PTPRM: variants seen among roughly 807,000 people sequenced by gnomAD.
PTPRM encodes receptor-type tyrosine-protein phosphatase mu.
Under a neutral mutation model 186.7 loss-of-function variants are expected in PTPRM, and 47 were observed. That is an observed-to-expected ratio of 0.25 (90% CI 0.20 to 0.32). The LOEUF is 0.32. Ranked by LOEUF, PTPRM falls within the 10% of genes least tolerant of loss-of-function variation. The probability of loss-of-function intolerance (pLI) is 1.00; values close to 1 mark genes in which losing one functional copy is unlikely to be tolerated. For synonymous variants in PTPRM, 668 were observed against 674.9 expected (o/e 0.99, Z 0.16); for missense variants, 1,494 against 1,865.0 (o/e 0.80, Z 3.66).
chr18:8,367,579 G>C (rs748144641), intron 23 of PTPRM, among the ~76,000 whole-genome samples: 13 of 152,266 alleles, frequency 8.5e-5, no homozygotes, highest in Non-Finnish European at 1.5e-4. Flanking sequence ...ACGCGCGGGG[G>C]CGCCCGGCTT....
At chr18:7,666,867 A>G (rs1366862224) in intron 1 of PTPRM, among the ~76,000 whole-genome samples, 1 of 152,170 alleles carries the variant, frequency 6.6e-6, no homozygotes, top group African/African-American at 2.4e-5. Flanking sequence ...GGCAGGGGGT[A>G]GGTGGGAGGT....
intron 7 of PTPRM, among the ~76,000 whole-genome samples, chr18:7,980,362 A>G (rs73383819): frequency 0.053 from 8,027 of 151,640 alleles, 502 homozygotes; most frequent in African/African-American, 0.15. Flanking sequence ...GAGTTGCTCT[A>G]CCCTACAGCC....
At chr18:8,044,997 T>G (rs188349665) in intron 7 of PTPRM, among the ~76,000 whole-genome samples, 1 of 152,264 alleles carries the variant, frequency 6.6e-6, no homozygotes, top group East Asian at 1.9e-4. Flanking sequence ...TAATTCTACT[T>G]CTAGCTAGGT....
chr18:7,965,464 C>G (rs1022417025), intron 7 of PTPRM, among the ~76,000 whole-genome samples: 4 of 151,848 alleles, frequency 2.6e-5, no homozygotes, highest in Admixed American at 6.6e-5. Context: ...GCACACATAC[C>G]CCAGGAAGGT....
intron 1 of PTPRM, among the ~76,000 whole-genome samples, chr18:7,681,115 G>A (rs2039470258): frequency 6.6e-6 from 1 of 152,102 alleles, no homozygotes; most frequent in Admixed American, 6.6e-5. Context: ...AACATCTGAA[G>A]AAAAGAAGTA....
At chr18:7,624,669 G>T (rs1301189180) in intron 1 of PTPRM, among the ~76,000 whole-genome samples, 1 of 152,116 alleles carries the variant, frequency 6.6e-6, no homozygotes, top group Non-Finnish European at 1.5e-5. Flanking sequence ...TAGAGATGGG[G>T]TTTTGCTACG....
chr18:7,635,745 A>G (rs1481271072), intron 1 of PTPRM, among the ~76,000 whole-genome samples: 1 of 152,228 alleles, frequency 6.6e-6, no homozygotes, highest in Non-Finnish European at 1.5e-5. Flanking sequence ...ATAATCCCAG[A>G]AAAGCCACTG....
intron 32 of PTPRM, among the ~76,000 whole-genome samples, chr18:8,395,715 G>A (rs1438483419): frequency 1.3e-5 from 2 of 152,088 alleles, no homozygotes; most frequent in African/African-American, 2.4e-5. Context: ...GGGGCAGAAA[G>A]GACTGTGCTC....
At chr18:7,739,211 T>G (rs2040839093) in intron 1 of PTPRM, among the ~76,000 whole-genome samples, 1 of 152,192 alleles carries the variant, frequency 6.6e-6, no homozygotes, top group East Asian at 1.9e-4. Flanking sequence ...CTTTCCAATT[T>G]GTTTCAAATG....
At chr18:7,964,554 C>G (rs1031273635) in intron 7 of PTPRM, among the ~76,000 whole-genome samples, 6 of 152,158 alleles carry the variant, frequency 3.9e-5, no homozygotes, top group Admixed American at 3.3e-4. Context: ...TAGCAGAGTA[C>G]TTTGGTCACC....
At chr18:8,306,591 T>C (rs914856745) in intron 20 of PTPRM, among the ~76,000 whole-genome samples, 6 of 152,230 alleles carry the variant, frequency 3.9e-5, no homozygotes, top group African/African-American at 1.4e-4. Flanking sequence ...GTGGTTTTCA[T>C]GGTTAGTAAT....
At chr18:7,833,132 ATT>A (rs890128721) in intron 2 of PTPRM, among the ~76,000 whole-genome samples, 1 of 151,122 alleles carries the variant, frequency 6.6e-6, no homozygotes, top group South Asian at 2.1e-4. Flanking sequence ...ACATTTTAGG[ATT>A]TTTTTTTGTT....
Position 7,842,841 on chromosome 18 carries a change from T to TATAGAG in PTPRM, c.197-45264_197-45263insTAGAGA, listed in dbSNP as rs1555616753. Among the ~76,000 whole-genome samples the TATAGAG allele has an allele frequency of 5.8e-3, 780 of 134,512 alleles. 14 individuals carry two copies. Among genetic ancestry groups the TATAGAG allele is most frequent in the South Asian group, 0.012 (52 of 4,186 alleles). 88.2% of individuals were successfully genotyped at this position (134,512 alleles called of 152,430 possible). ...GTATATATATATGTATATATATATA[T>TATAGAG]AGAGAGAGAGAGAGAGAAACATATA... On this transcript the variant is annotated intron_variant, in intron 2 of 32. Transcript: ENST00000580170.
chr18:7,655,362 C>A (rs1054795922), intron 1 of PTPRM, among the ~76,000 whole-genome samples: 3 of 152,164 alleles, frequency 2.0e-5, no homozygotes, highest in Admixed American at 2.0e-4. Context: ...GCCCCACCTA[C>A]ACACATGTTA....
intron 7 of PTPRM, among the ~76,000 whole-genome samples, chr18:8,063,203 T>C (rs1468795543): frequency 6.6e-6 from 1 of 151,268 alleles, no homozygotes; most frequent in African/African-American, 2.5e-5. Context: ...AGTATTCGGG[T>C]GGGAGTGACC....
chr18:8,204,506 A>C (rs891797929), intron 14 of PTPRM, among the ~76,000 whole-genome samples: 2 of 152,166 alleles, frequency 1.3e-5, no homozygotes, highest in Non-Finnish European at 2.9e-5. Context: ...AAAGAAAAAA[A>C]AAATGAAGAC....
chr18:7,676,214 T>C (rs1012906495), intron 1 of PTPRM, among the ~76,000 whole-genome samples: 1 of 152,186 alleles, frequency 6.6e-6, no homozygotes, highest in South Asian at 2.1e-4. Context: ...GTTTCCACAG[T>C]ATTCTTAGCT....
At chr18:8,288,113 C>T (rs2094977758) in intron 19 of PTPRM, among the ~76,000 whole-genome samples, 1 of 152,154 alleles carries the variant, frequency 6.6e-6, no homozygotes, top group Non-Finnish European at 1.5e-5. Flanking sequence ...ACATAGAAAC[C>T]CTTTGGTCCA....
chr18:8,129,292 A>G (rs937263281), intron 13 of PTPRM, among the ~76,000 whole-genome samples: 1 of 152,212 alleles, frequency 6.6e-6, no homozygotes, highest in Admixed American at 6.5e-5. Context: ...GAAAGGCTGA[A>G]TGTTTTTTAA....
Sources: allele counts gnomAD v4.1 joint callset (sites outside exome capture counted in the v4.1 genomes callset), GRCh38; gene constraint gnomAD v4.1.1; transcripts MANE v1.5; gene names NCBI Gene and HGNC (gene_info 2026-07-23, HGNC 2026-07-21).